The following THNSL1 variants were observed in gnomAD, a reference collection of about 807,000 sequenced individuals.
THNSL1 encodes threonine synthase-like 1.
A neutral mutation model predicts 50.4 loss-of-function variants in THNSL1; 48 were observed. That is an observed-to-expected ratio of 0.95 (90% CI 0.76 to 1.21). The LOEUF (loss-of-function observed/expected upper bound fraction) is 1.21, where lower values mean the gene tolerates loss of function less well. THNSL1 is among the 50% of genes most tolerant of loss of function. The probability of loss-of-function intolerance (pLI) is 0.00; values close to 1 mark genes in which losing one functional copy is unlikely to be tolerated. For synonymous variants in THNSL1, 309 were observed against 306.1 expected, an observed-to-expected ratio of 1.01 and a Z score of -0.10; for missense variants, 896 against 871.7, an observed-to-expected ratio of 1.03 and a Z score of -0.35.
the THNSL1 span, among the ~76,000 whole-genome samples, chr10:24,988,783 G>C: frequency 1.6e-5 from 2 of 128,614 alleles, no homozygotes; most frequent in African/African-American, 5.9e-5. Context: ...TCCTGTCCAG[G>C]TATAATGAGA....
chr10:25,012,992 G>T (rs1237331606), upstream of THNSL1, among the ~76,000 whole-genome samples: 5 of 152,274 alleles, frequency 3.3e-5, no homozygotes, highest in East Asian at 9.7e-4. Context: ...TGAATCATGG[G>T]AGTGGGTCTT....
At chr10:24,974,609 T>C in the THNSL1 span, among the ~76,000 whole-genome samples, 1 of 152,230 alleles carries the variant, frequency 6.6e-6, no homozygotes, top group African/African-American at 2.4e-5. Flanking sequence ...CTTATATTTT[T>C]GCTTTTTGAA....
chr10:24,999,464 CT>C, the THNSL1 span: 33 of 1,613,198 alleles, frequency 2.0e-5, no homozygotes, highest in Non-Finnish European at 2.7e-5. Context: ...GGTACTTCAA[CT>C]TTTGCTGGTC....
the THNSL1 span, among the ~76,000 whole-genome samples, chr10:24,988,527 C>A: frequency 1.4e-5 from 2 of 146,854 alleles, no homozygotes; most frequent in South Asian, 4.2e-4. Context: ...AGAGGAACTA[C>A]GGATCTATGT....
At chr10:25,018,660 T>G (rs994277744) in intron 1 of THNSL1, among the ~76,000 whole-genome samples, 13 of 64,722 alleles carry the variant, frequency 2.0e-4, no homozygotes, top group African/African-American at 5.4e-4. Flanking sequence ...ATGAGAGTTG[T>G]TTTTTTTTTT....
the THNSL1 span, among the ~76,000 whole-genome samples, chr10:24,959,172 A>G: frequency 6.6e-6 from 1 of 152,228 alleles, no homozygotes; most frequent in African/African-American, 2.4e-5. Flanking sequence ...TTCAAAAACA[A>G]AAACAAAAAA....
At chr10:24,965,338 C>A in the THNSL1 span, among the ~76,000 whole-genome samples, 3 of 152,180 alleles carry the variant, frequency 2.0e-5, no homozygotes, top group Admixed American at 1.3e-4. Flanking sequence ...CCTCCTTTTC[C>A]TTCTTTCCTC....
At chr10:24,954,079 C>G in the THNSL1 span, among the ~76,000 whole-genome samples, 2 of 152,158 alleles carry the variant, frequency 1.3e-5, no homozygotes, top group African/African-American at 4.8e-5. Context: ...CACTTCTTTT[C>G]CCCAAAGTCA....
At chr10:24,987,959 G>A in the THNSL1 span, among the ~76,000 whole-genome samples, 417 of 152,066 alleles carry the variant, frequency 2.7e-3, 1 homozygote, top group South Asian at 8.1e-3. Context: ...ATTGGCTCAC[G>A]CCTGTAATCC....
At chr10:24,988,234 G>GTATA in the THNSL1 span, among the ~76,000 whole-genome samples, 9 of 133,998 alleles carry the variant, frequency 6.7e-5, no homozygotes, top group East Asian at 4.1e-4. Context: ...AAAAAAAAAT[G>GTATA]TATATATATA....
chr10:24,967,801 T>C, the THNSL1 span, among the ~76,000 whole-genome samples: 1 of 151,952 alleles, frequency 6.6e-6, no homozygotes, highest in Non-Finnish European at 1.5e-5. Flanking sequence ...GATGTGTGTA[T>C]GATGTGTGTA....
At chr10:24,979,489 C>A in the THNSL1 span, among the ~76,000 whole-genome samples, 1 of 152,286 alleles carries the variant, frequency 6.6e-6, no homozygotes, top group East Asian at 1.9e-4. Context: ...GTGCTCCTTT[C>A]TTGAATTTTC....
chr10:25,007,192 A>G, the THNSL1 span, among the ~76,000 whole-genome samples: 2 of 152,188 alleles, frequency 1.3e-5, no homozygotes, highest in Non-Finnish European at 2.9e-5. Flanking sequence ...ATTCTCATAT[A>G]CAATATATTG....
the THNSL1 span, chr10:24,995,799 T>G: frequency 1.2e-6 from 2 of 1,614,072 alleles, no homozygotes; most frequent in Non-Finnish European, 1.7e-6. Flanking sequence ...CACTCTGTAT[T>G]CCCATGACAG....
At chr10:24,972,523 A>G in the THNSL1 span, among the ~76,000 whole-genome samples, 1 of 129,360 alleles carries the variant, frequency 7.7e-6, no homozygotes, top group East Asian at 1.9e-4. Context: ...AAAAAAAATA[A>G]ATAATAATAA....
At chr10:24,999,544 T>C in the THNSL1 span, 3 of 1,598,322 alleles carry the variant, frequency 1.9e-6, no homozygotes, top group African/African-American at 2.7e-5. Flanking sequence ...AATGGATATG[T>C]ACCTAAAATT....
the THNSL1 span, among the ~76,000 whole-genome samples, chr10:25,004,885 T>C: frequency 6.6e-6 from 1 of 152,204 alleles, no homozygotes; most frequent in African/African-American, 2.4e-5. Context: ...AGGATTTTTA[T>C]AGTTTTGGGT....
the THNSL1 span, among the ~76,000 whole-genome samples, chr10:24,975,518 G>A: frequency 1.3e-5 from 2 of 152,170 alleles, no homozygotes; most frequent in Admixed American, 6.5e-5. Context: ...GGGAGAGACT[G>A]ACGGGAGGGA....
At chr10:24,964,100 C>T in the THNSL1 span, among the ~76,000 whole-genome samples, 255 of 152,348 alleles carry the variant, frequency 1.7e-3, no homozygotes, top group Middle Eastern at 0.01. Flanking sequence ...TTCCTGGCTT[C>T]TTTTGCTCCT....
Sources: gnomAD v4.1 joint callset for allele counts (sites outside exome capture counted in the v4.1 genomes callset) on GRCh38, gnomAD v4.1.1 for gene constraint, MANE v1.5 for transcripts, NCBI Gene and HGNC (gene_info 2026-07-23, HGNC 2026-07-21) for gene names.